The following SORCS2 variants were observed in gnomAD, a reference collection of about 807,000 sequenced individuals.
The protein encoded by SORCS2 is sortilin related VPS10 domain containing receptor 2, also known as VPS10 domain-containing receptor SorCS2.
In SORCS2, 100 loss-of-function variants were observed where a neutral mutation model predicts 141.6. The ratio of observed to expected loss-of-function variants is 0.71; its 90% confidence interval spans 0.60 to 0.83. The LOEUF (loss-of-function observed/expected upper bound fraction) is 0.83. Among genes scored for constraint, SORCS2 ranks in the 40% least tolerant of loss-of-function variants. SORCS2 has a pLI of 0.00. For synonymous variants in SORCS2, 789 were observed against 676.9 expected (o/e 1.17, Z -2.57); for missense variants, 1,646 against 1,560.2 (o/e 1.05, Z -0.93).
Position 7,638,378 on chromosome 4 carries a change from C to T in SORCS2, c.699C>T (p.Leu233=). The stretch of plus-strand genomic sequence containing the variant: ...GTGACCGGGACCAGAGCCTATTCCT[C>T]AGCGCAGACGAAGGCGCCACCTTTC... ...SLSDRDQSLF[L]SADEGATFQK... The change falls in exon 4 of 27, where the codon CTC becomes CTT. Residue 233 remains leucine, a synonymous_variant. Coordinates refer to ENST00000507866, the MANE Select transcript of SORCS2 (RefSeq NM_020777.3). 1 of 1,562,172 alleles carries T rather than the reference C, an allele frequency of 6.4e-7. No individual in the cohort carries two copies. The highest frequency in any genetic ancestry group is 8.6e-7 in the Non-Finnish European group (1 of 1,159,422).
intron 3 of SORCS2, among the ~76,000 whole-genome samples, chr4:7,637,559 C>G (rs1160724897): frequency 1.3e-5 from 2 of 152,230 alleles, no homozygotes; most frequent in Non-Finnish European, 2.9e-5. Flanking sequence ...CAGAACAGTG[C>G]CCAGAACAGT....
At chr4:7,215,000 G>A (rs569101916) in intron 1 of SORCS2, among the ~76,000 whole-genome samples, 38 of 152,122 alleles carry the variant, frequency 2.5e-4, no homozygotes, top group East Asian at 3.9e-4. Flanking sequence ...CTCTCGGTGC[G>A]TCCTCTGCCT....
At chr4:7,315,953 C>T (rs550519960) in intron 1 of SORCS2, among the ~76,000 whole-genome samples, 87 of 152,284 alleles carry the variant, frequency 5.7e-4, no homozygotes, top group African/African-American at 2.0e-3. Flanking sequence ...ATCCTATCTT[C>T]CTTCCATCTA....
At chr4:7,314,404 A>G (rs1718420133) in intron 1 of SORCS2, among the ~76,000 whole-genome samples, 1 of 145,272 alleles carries the variant, frequency 6.9e-6, no homozygotes, top group South Asian at 2.2e-4. Flanking sequence ...CAGTGGCGTG[A>G]TCTTGACTCC....
intron 26 of SORCS2, among the ~76,000 whole-genome samples, chr4:7,737,578 G>A (rs1293273035): frequency 6.6e-6 from 1 of 152,198 alleles, no homozygotes; most frequent in African/African-American, 2.4e-5. Flanking sequence ...CTTCACTGCA[G>A]TGGTGATCTA....
chr4:7,522,546 C>T (rs912492949), intron 2 of SORCS2, among the ~76,000 whole-genome samples: 5 of 152,134 alleles, frequency 3.3e-5, no homozygotes, highest in East Asian at 3.9e-4. Context: ...ACCTGCGGGA[C>T]GGCACCAGGC....
chr4:7,435,086 TC>T lies in SORCS2; in HGVS notation c.548+38735del. The T allele has an allele frequency of 3.4e-6, 2 of 583,966 alleles. 1 individual carries two copies. Among genetic ancestry groups the T allele is most frequent in the South Asian group, 5.0e-5 (2 of 39,654 alleles). The allele number at this position is 583,966 out of a possible 1,614,324, so 36.2% of individuals were successfully genotyped here. On this transcript the variant is annotated intron_variant, in intron 2 of 26. Coordinates refer to ENST00000507866, the MANE Select transcript of SORCS2 (RefSeq NM_020777.3). The stretch of plus-strand genomic sequence containing the variant: ...CTGGAACACTATCCCTCCCCTCTTT[TC>T]CCCTGGATAAGATAAACTCTTAGCA...
intron 2 of SORCS2, among the ~76,000 whole-genome samples, chr4:7,499,768 C>T (rs1429285350): frequency 6.6e-6 from 1 of 151,850 alleles, no homozygotes; most frequent in African/African-American, 2.4e-5. Context: ...AGAAACCCCA[C>T]AAGTCATTAA....
At chr4:7,384,887 T>A (rs2109078128) in intron 1 of SORCS2, among the ~76,000 whole-genome samples, 1 of 152,316 alleles carries the variant, frequency 6.6e-6, no homozygotes, top group South Asian at 2.1e-4. Context: ...GGACACTGCA[T>A]TCGAGGAGGA....
At position 7,648,754 on chromosome 4, in the gene SORCS2, A is replaced by G. The variant is rs923326271; in HGVS notation, c.814-5380A>G. Among the ~76,000 whole-genome samples the G allele has an allele frequency of 6.6e-6, 1 of 152,098 alleles. No homozygotes were observed. Among genetic ancestry groups the G allele is most frequent in the African/African-American group, 2.4e-5 (1 of 41,414 alleles). ...GGAAGAGAGGCTAGAAACCAGGGAC[A>G]GGCACCAGGGCGGCCCCGGGGAGCA... On this transcript the variant is annotated intron_variant, in intron 4 of 26. Transcript: ENST00000507866. The surrounding 1 kb of genome is among the most constrained non-coding windows in gnomAD (Gnocchi z 4.2).
chr4:7,353,877 C>T (rs1721097504), intron 1 of SORCS2, among the ~76,000 whole-genome samples: 1 of 152,138 alleles, frequency 6.6e-6, no homozygotes, highest in African/African-American at 2.4e-5. Context: ...TGAAGGTCTC[C>T]TTGGGAAAGC....
intron 17 of SORCS2, 92 bp downstream of exon 17, chr4:7,715,403 GCTCCCAA>G: frequency 6.5e-7 from 1 of 1,548,630 alleles, no homozygotes; most frequent in Non-Finnish European, 8.8e-7. Context: ...GGTGCCTGCA[GCTCCCAA>G]CTCCCAAGTG....
intron 24 of SORCS2, 37 bp downstream of exon 24, chr4:7,733,458 G>A: frequency 6.7e-7 from 1 of 1,497,894 alleles, no homozygotes; most frequent in Non-Finnish European, 9.0e-7. Flanking sequence ...AATGGGTGGA[G>A]GAGGCATCCG....
At chr4:7,736,518 G>T (rs1712188134) in intron 25 of SORCS2, among the ~76,000 whole-genome samples, 1 of 152,204 alleles carries the variant, frequency 6.6e-6, no homozygotes, top group Admixed American at 6.5e-5. Flanking sequence ...GGGGTGTCGT[G>T]CATGAAGGAG....
Position 7,715,209 on chromosome 4 carries a change from C to T in SORCS2, c.2150C>T (p.Ser717Phe), listed in dbSNP as rs1726110362. The change falls in exon 17 of 27, where the codon TCC becomes TTC. Residue 717 changes from serine (S) to phenylalanine (F), a missense_variant. Coordinates refer to ENST00000507866, the MANE Select transcript of SORCS2 (RefSeq NM_020777.3). ...LCDYGFERSSSSESSTNKCSA... is the reference protein window; with the variant it reads ...LCDYGFERSSFSESSTNKCSA... ...GACTACGGATTTGAGCGCTCCTCCT[C>T]CTCAGAGTCCAGCACCAACAAGTGC... The T allele has an allele frequency of 1.9e-6, 3 of 1,614,006 alleles. No individual in the cohort carries two copies. Among genetic ancestry groups the T allele is most frequent in the Non-Finnish European group, 2.5e-6 (3 of 1,179,860 alleles).
intron 2 of SORCS2, among the ~76,000 whole-genome samples, chr4:7,428,296 AG>A (rs1315130860): frequency 6.6e-6 from 1 of 152,218 alleles, no homozygotes; most frequent in Non-Finnish European, 1.5e-5. Flanking sequence ...ATCAGCACAA[AG>A]GGCAGACCAG....
At chr4:7,254,378 T>C (rs542187590) in intron 1 of SORCS2, among the ~76,000 whole-genome samples, 4 of 152,294 alleles carry the variant, frequency 2.6e-5, no homozygotes, top group African/African-American at 9.6e-5. Context: ...GCAACATAGA[T>C]GGAGCTGGAA....
intron 14 of SORCS2, among the ~76,000 whole-genome samples, chr4:7,706,997 T>C (rs1276417903): frequency 6.6e-6 from 1 of 152,132 alleles, no homozygotes; most frequent in East Asian, 1.9e-4. Context: ...CCAGCTCTGC[T>C]GCTTGACAAT....
At chr4:7,434,450 G>T (rs761015476) in intron 2 of SORCS2, 2 of 1,610,646 alleles carry the variant, frequency 1.2e-6, no homozygotes, top group Non-Finnish European at 1.7e-6. Flanking sequence ...AGGTGCCTCT[G>T]CAGCGGCTCA....
Sources: gnomAD v4.1 joint callset for allele counts (sites outside exome capture counted in the v4.1 genomes callset) on GRCh38, gnomAD v4.1.1 for gene constraint, Gnocchi (gnomAD v3.1) non-coding constraint, MANE v1.5 for transcripts, NCBI Gene and HGNC (gene_info 2026-07-23, HGNC 2026-07-21) for gene names.